The following SCUBE2 variants were observed in gnomAD, a reference collection of about 807,000 sequenced individuals.
SCUBE2 encodes the protein signal peptide, CUB and EGF-like domain-containing protein 2.
SCUBE2 carries 114 observed loss-of-function variants against 125.9 expected under a neutral mutation model. The ratio of observed to expected loss-of-function variants is 0.91; its 90% CI spans 0.78 to 1.06. The LOEUF is 1.06. Ranked by LOEUF, SCUBE2 falls within the 50% of genes least tolerant of loss-of-function variation. The pLI is 0.00. For synonymous variants in SCUBE2, 459 were observed against 492.9 expected (o/e 0.93, Z 0.91); for missense variants, 1,255 against 1,301.8 (o/e 0.96, Z 0.55).
At chr11:9,021,588 GAATT>G (rs917703017) in intron 22 of SCUBE2, among the ~76,000 whole-genome samples, 3 of 152,148 alleles carry the variant, frequency 2.0e-5, no homozygotes, top group African/African-American at 7.2e-5. Flanking sequence ...CAACTATTTG[GAATT>G]AATAGAAAAA....
intron 10 of SCUBE2, among the ~76,000 whole-genome samples, chr11:9,055,381 G>C (rs1325863798): frequency 6.6e-6 from 1 of 152,174 alleles, no homozygotes; most frequent in African/African-American, 2.4e-5. Context: ...TTTGCAGCCA[G>C]TTCCTATGCA....
At chr11:9,080,608 C>G (rs1398263901) in intron 2 of SCUBE2, among the ~76,000 whole-genome samples, 1 of 150,718 alleles carries the variant, frequency 6.6e-6, no homozygotes, top group Non-Finnish European at 1.5e-5. Flanking sequence ...AAGATGACAC[C>G]ACTGCATTCC....
chr11:9,071,764 G>A (rs1860818976), intron 4 of SCUBE2, among the ~76,000 whole-genome samples: 1 of 152,168 alleles, frequency 6.6e-6, no homozygotes, highest in African/African-American at 2.4e-5. Context: ...ACGGGTAACA[G>A]GTCCTGCTGA....
chr11:9,066,598 A>G, intron 6 of SCUBE2, 99 bp downstream of exon 6: 1 of 997,728 alleles, frequency 1.0e-6, no homozygotes, highest in Non-Finnish European at 1.6e-6. Context: ...GCAAATGCAC[A>G]GGAAACAGCC....
chr11:9,045,351 C>T (rs1177848889), intron 16 of SCUBE2, among the ~76,000 whole-genome samples: 2 of 152,020 alleles, frequency 1.3e-5, no homozygotes, highest in Non-Finnish European at 2.9e-5. Context: ...ACAGGCACTA[C>T]TTTCATAATT....
chr11:9,081,111 G>A (rs970117865), intron 2 of SCUBE2, among the ~76,000 whole-genome samples: 1 of 152,196 alleles, frequency 6.6e-6, no homozygotes, highest in Non-Finnish European at 1.5e-5. Context: ...ACAAGGATGT[G>A]GATAAATGGG....
At position 9,048,126 on chromosome 11, in the gene SCUBE2, G is replaced by A. The variant is rs755870327; in HGVS notation, c.1640-28C>T. 5.0e-6 allele frequency: 8 copies of A among 1,591,156 alleles called. No homozygotes were observed. The African/African-American group carries it at 9.5e-5, about 19-fold the overall frequency. On this transcript the variant is annotated intron_variant, in intron 14 of 22. Transcript: ENST00000649792. ...GTATGAAGAAACAAAATTATCGGAAGCCAAATCCTGGCAAAGCACTCAGCT... is the reference window on the plus strand; with the variant it reads ...GTATGAAGAAACAAAATTATCGGAAACCAAATCCTGGCAAAGCACTCAGCT...
At chr11:9,079,351 A>G in intron 3 of SCUBE2, 33 bp downstream of exon 3, 1 of 1,613,154 alleles carries the variant, frequency 6.2e-7, no homozygotes, top group Non-Finnish European at 8.5e-7. Flanking sequence ...GGGAGAGTGA[A>G]GGAGAATTGC....
intron 16 of SCUBE2, among the ~76,000 whole-genome samples, chr11:9,034,164 T>G (rs1273781768): frequency 1.3e-5 from 2 of 152,230 alleles, no homozygotes; most frequent in African/African-American, 4.8e-5. Context: ...GTTAAAATCA[T>G]TCATTGAACA....
intron 1 of SCUBE2, chr11:9,090,307 C>G (rs1862525822): frequency 6.5e-6 from 1 of 154,276 alleles, no homozygotes; most frequent in African/African-American, 2.4e-5. Flanking sequence ...AGGAAAGGAC[C>G]AAACGGACAG....
chr11:9,091,238 G>A lies in SCUBE2; in HGVS notation c.133+158C>T, dbSNP rs1862682948. On this transcript the variant is annotated intron_variant, in intron 1 of 22. Transcript: ENST00000649792. The surrounding 1 kb of genome is among the most constrained non-coding windows in gnomAD (Gnocchi z 8.5). Reference sequence around the variant, plus strand: ...CCAGCGGTCGTGGCGCCTTGGCCCGGCCGGCGGGTGAGGTCCCGGGGGGAG... The same window carrying A: ...CCAGCGGTCGTGGCGCCTTGGCCCGACCGGCGGGTGAGGTCCCGGGGGGAG... Among the ~76,000 whole-genome samples the A allele has an allele frequency of 6.6e-6, 1 of 152,130 alleles. No individual in the cohort carries two copies. The highest frequency in any genetic ancestry group is 1.5e-5 in the Non-Finnish European group (1 of 68,002).
chr11:9,030,644 C>T (rs558512673), intron 18 of SCUBE2, 114 bp downstream of exon 18: 2 of 1,084,910 alleles, frequency 1.8e-6, no homozygotes, highest in Admixed American at 4.3e-5. Context: ...GGACCTGAAC[C>T]CCCAGCCACT....
intron 19 of SCUBE2, among the ~76,000 whole-genome samples, chr11:9,029,333 C>T (rs1856068306): frequency 6.6e-6 from 1 of 152,200 alleles, no homozygotes; most frequent in Non-Finnish European, 1.5e-5. Flanking sequence ...CCCAAAAGGC[C>T]TTTGCTTGCC....
intron 2 of SCUBE2, among the ~76,000 whole-genome samples, 186 bp from the exon 3 acceptor site, chr11:9,079,695 C>T (rs918269093): frequency 1.4e-4 from 22 of 152,026 alleles, no homozygotes; most frequent in Admixed American, 1.3e-4. Context: ...CTGTAAACAA[C>T]CTAAGTTTCC....
At chr11:9,023,454 G>C (rs1178606041) in intron 21 of SCUBE2, among the ~76,000 whole-genome samples, 1 of 151,956 alleles carries the variant, frequency 6.6e-6, no homozygotes, top group East Asian at 1.9e-4. Flanking sequence ...TCTTTTTGTT[G>C]ATGGGACTTA....
At position 9,025,722 on chromosome 11, in the gene SCUBE2, A is replaced by G. The variant is rs1231668026; in HGVS notation, c.2834T>C (p.Val945Ala). The change falls in exon 21 of 23, where the codon GTC (valine) becomes GCC (alanine). Residue 945 changes from valine to alanine, a missense_variant. Val to Ala is a moderately conservative substitution (Grantham distance 64, BLOSUM62 0). Coordinates refer to ENST00000649792, the MANE Select transcript of SCUBE2 (RefSeq NM_001367977.2). The stretch of plus-strand genomic sequence containing the variant: ...CTTACCATCATATGTCACGTATGGG[A>G]CCTGGAACCCTCTAGCGCTGTTCCC... ...NEGNSARGFQ[V>A]PYVTYDEDYQ... 6 of 1,614,086 alleles carry G rather than the reference A, an allele frequency of 3.7e-6. No individual in the cohort carries two copies. In the East Asian group the frequency reaches 1.3e-4, roughly 36 times the overall value.
At chr11:9,035,730 T>C (rs1348328221) in intron 16 of SCUBE2, among the ~76,000 whole-genome samples, 1 of 152,114 alleles carries the variant, frequency 6.6e-6, no homozygotes, top group Non-Finnish European at 1.5e-5. Context: ...AAATCAGGCT[T>C]TTGGATCATG....
intron 14 of SCUBE2, chr11:9,050,210 G>A: frequency 5.8e-6 from 1 of 171,370 alleles, no homozygotes; most frequent in South Asian, 1.5e-4. Flanking sequence ...GTTCATCAAA[G>A]TTATCCTTTC....
At chr11:9,056,078 C>T (rs1444195530) in intron 9 of SCUBE2, among the ~76,000 whole-genome samples, 169 bp from the exon 10 acceptor site, 3 of 152,232 alleles carry the variant, frequency 2.0e-5, no homozygotes, top group Admixed American at 1.3e-4. Context: ...AAGTGTGGAG[C>T]AGCCCACAAG....
Sources: gnomAD v4.1 joint callset for allele counts (sites outside exome capture counted in the v4.1 genomes callset) on GRCh38, gnomAD v4.1.1 for gene constraint, Gnocchi (gnomAD v3.1) non-coding constraint, MANE v1.5 for transcripts, NCBI Gene and HGNC (gene_info 2026-07-23, HGNC 2026-07-21) for gene names.